CAP2: variants seen among roughly 807,000 people sequenced by gnomAD.
CAP2 encodes the protein adenylyl cyclase-associated protein 2.
Under a neutral mutation model 57.7 loss-of-function variants are expected in CAP2, and 24 were observed. The ratio of observed to expected loss-of-function variants is 0.42; its 90% CI spans 0.30 to 0.58. The LOEUF (loss-of-function observed/expected upper bound fraction) is 0.58, where lower values mean the gene tolerates loss of function less well. CAP2 is among the 20% of genes least tolerant of loss of function. The probability of loss-of-function intolerance (pLI) is 0.22; values close to 1 mark genes in which losing one functional copy is unlikely to be tolerated. For missense variants in CAP2, 501 were observed against 590.3 expected, an observed-to-expected ratio of 0.85 and a Z score of 1.57; for synonymous variants, 194 against 207.2, an observed-to-expected ratio of 0.94 and a Z score of 0.55.
At chr6:17,554,170 G>A (rs954523959) in intron 12 of CAP2, among the ~76,000 whole-genome samples, 2 of 152,122 alleles carry the variant, frequency 1.3e-5, no homozygotes. Context: ...GCAGTGGTGC[G>A]ATCATGGCTC....
In CAP2 at chr6:17,485,317, T is replaced by C. The variant is rs552361139; in HGVS notation, c.301-21852T>C. On this transcript the variant is annotated intron_variant, in intron 4 of 12. Transcript: ENST00000229922. The stretch of plus-strand genomic sequence containing the variant: ...AGTAATGTTATATGCCAAGTACAGA[T>C]GGAGAGATCAAAGCCTGCAGATGTT... 3.7e-4 allele frequency among the ~76,000 whole-genome samples: 57 copies of C among 152,312 alleles called. 1 individual carries two copies. Among genetic ancestry groups the C allele is most frequent in the Admixed American group, 1.8e-3 (27 of 15,304 alleles).
chr6:17,471,214 A>G (rs1387528696), intron 4 of CAP2, among the ~76,000 whole-genome samples: 1 of 152,230 alleles, frequency 6.6e-6, no homozygotes, highest in Non-Finnish European at 1.5e-5. Context: ...GTCCATGCCC[A>G]GAAAATGTCA....
At chr6:17,449,175 T>C (rs919938489) in intron 3 of CAP2, among the ~76,000 whole-genome samples, 1 of 152,192 alleles carries the variant, frequency 6.6e-6, no homozygotes, top group Non-Finnish European at 1.5e-5. Context: ...AATTTAGGGC[T>C]TGGACTAAGG....
At chr6:17,428,269 T>C (rs1296994474) in intron 3 of CAP2, among the ~76,000 whole-genome samples, 1 of 152,174 alleles carries the variant, frequency 6.6e-6, no homozygotes, top group Non-Finnish European at 1.5e-5. Context: ...CTTTTCATAT[T>C]TTAAAAAATA....
intron 7 of CAP2, among the ~76,000 whole-genome samples, chr6:17,527,251 T>C (rs1190976521): frequency 6.6e-6 from 1 of 150,780 alleles, no homozygotes; most frequent in African/African-American, 2.4e-5. Flanking sequence ...TCTGGCCAAA[T>C]GAAGTAGCTG....
chr6:17,518,177 T>C, intron 7 of CAP2, among the ~76,000 whole-genome samples: 1 of 152,172 alleles, frequency 6.6e-6, no homozygotes, highest in East Asian at 1.9e-4. Context: ...TTAAAACATA[T>C]GCCTAGAAAT....
intron 3 of CAP2, among the ~76,000 whole-genome samples, chr6:17,442,325 G>A (rs530897276): frequency 2.0e-5 from 3 of 152,336 alleles, no homozygotes; most frequent in Non-Finnish European, 4.4e-5. Flanking sequence ...ATCTGCACAT[G>A]ATGATGTTCG....
intron 7 of CAP2, among the ~76,000 whole-genome samples, chr6:17,537,904 T>C (rs1264380933): frequency 1.3e-5 from 2 of 151,700 alleles, no homozygotes; most frequent in Non-Finnish European, 1.5e-5. Context: ...CTGTGTCTAC[T>C]AAAGATATAA....
At chr6:17,412,084 C>G (rs920785658) in intron 1 of CAP2, among the ~76,000 whole-genome samples, 1 of 152,084 alleles carries the variant, frequency 6.6e-6, no homozygotes, top group African/African-American at 2.4e-5. Context: ...TATGGCTCTG[C>G]CTTACTCAGC....
intron 12 of CAP2, among the ~76,000 whole-genome samples, chr6:17,554,129 C>G (rs1763238451): frequency 6.6e-6 from 1 of 152,166 alleles, no homozygotes; most frequent in African/African-American, 2.4e-5. Context: ...TTGTCTGAGA[C>G]AGGGTCTTGC....
intron 4 of CAP2, among the ~76,000 whole-genome samples, chr6:17,505,565 G>A (rs796997041): frequency 3.3e-5 from 5 of 152,300 alleles, no homozygotes; most frequent in African/African-American, 1.2e-4. Context: ...CCAAGGCTGG[G>A]AACCATTGCT....
chr6:17,468,851 C>T (rs1760942089), intron 4 of CAP2, among the ~76,000 whole-genome samples: 2 of 152,236 alleles, frequency 1.3e-5, no homozygotes, highest in Non-Finnish European at 2.9e-5. Flanking sequence ...TTCAGTGATA[C>T]ATTAATAATC....
At chr6:17,523,026 A>T (rs751824886) in intron 7 of CAP2, among the ~76,000 whole-genome samples, 13 of 152,144 alleles carry the variant, frequency 8.5e-5, no homozygotes, top group Non-Finnish European at 1.5e-4. Flanking sequence ...GAGCCACCGT[A>T]CCCAGCCTGC....
intron 2 of CAP2, among the ~76,000 whole-genome samples, chr6:17,423,264 T>G (rs906952258): frequency 6.6e-6 from 1 of 152,178 alleles, no homozygotes; most frequent in Non-Finnish European, 1.5e-5. Flanking sequence ...TGCTGGCTGG[T>G]TTATTTCCCC....
intron 7 of CAP2, among the ~76,000 whole-genome samples, chr6:17,522,973 A>G (rs1581593019): frequency 1.3e-5 from 2 of 152,188 alleles, no homozygotes; most frequent in East Asian, 3.9e-4. Flanking sequence ...ACCTCAGGTG[A>G]TCCACTCGCC....
intron 4 of CAP2, among the ~76,000 whole-genome samples, chr6:17,488,554 G>A (rs962055060): frequency 2.6e-5 from 4 of 151,774 alleles, no homozygotes; most frequent in Non-Finnish European, 5.9e-5. Flanking sequence ...TCACATCTTG[G>A]TTTTAAAAAA....
chr6:17,536,120 G>T, intron 7 of CAP2: 1 of 447,328 alleles, frequency 2.2e-6, no homozygotes, highest in South Asian at 1.6e-5. Flanking sequence ...TCCGCGCCCA[G>T]CCTTCTCTCT....
At chr6:17,532,817 A>G (rs1762679600) in intron 7 of CAP2, among the ~76,000 whole-genome samples, 1 of 151,198 alleles carries the variant, frequency 6.6e-6, no homozygotes, top group Non-Finnish European at 1.5e-5. Context: ...TAATCCCAGC[A>G]CTTTGGGAGG....
At chr6:17,465,128 C>G (rs1561793223) in intron 4 of CAP2, among the ~76,000 whole-genome samples, 1 of 152,350 alleles carries the variant, frequency 6.6e-6, no homozygotes, top group East Asian at 1.9e-4. Flanking sequence ...TAGCATGTGG[C>G]TGTGCAGATT....
Sources: gnomAD v4.1 joint callset for allele counts (sites outside exome capture counted in the v4.1 genomes callset) on GRCh38, gnomAD v4.1.1 for gene constraint, MANE v1.5 for transcripts, NCBI Gene and HGNC (gene_info 2026-07-23, HGNC 2026-07-21) for gene names.